Variants in PPP1R42 observed in about 807,000 individuals in gnomAD.
The protein encoded by PPP1R42 is protein phosphatase 1 regulatory subunit 42, also known as leucine rich repeat containing 67.
In PPP1R42, 34 loss-of-function variants were observed where a neutral mutation model predicts 31.0. The ratio of observed to expected loss-of-function variants is 1.10; its 90% CI spans 0.83 to 1.46. The LOEUF (loss-of-function observed/expected upper bound fraction) is 1.46. Among genes scored for constraint, PPP1R42 ranks in the 40% most tolerant of loss-of-function variants. The pLI is 0.00. For synonymous variants in PPP1R42, 103 were observed against 109.8 expected, an observed-to-expected ratio of 0.94 and a Z score of 0.39; for missense variants, 268 against 303.0, an observed-to-expected ratio of 0.88 and a Z score of 0.86.
At chr8:67,019,237 C>CTTTTTTTTTT (rs1186280936) in intron 1 of PPP1R42, among the ~76,000 whole-genome samples, 1 of 91,684 alleles carries the variant, frequency 1.1e-5, no homozygotes, top group African/African-American at 5.0e-5. Context: ...TTATGAGCAT[C>CTTTTTTTTTT]TTTTTTTTTT....
At chr8:66,972,003 A>G (rs1326381528) in intron 7 of PPP1R42, among the ~76,000 whole-genome samples, 2 of 152,196 alleles carry the variant, frequency 1.3e-5, no homozygotes, top group African/African-American at 4.8e-5. Context: ...GTTCATCTTA[A>G]CTCTTCTAAA....
chr8:67,018,825 CTTT>C (rs1554542360), intron 1 of PPP1R42, among the ~76,000 whole-genome samples: 1 of 48,390 alleles, frequency 2.1e-5, no homozygotes, highest in African/African-American at 8.5e-5. Context: ...CCCCCCCCCC[CTTT>C]TTTTTTTTTT....
chr8:66,972,454 A>G (rs1443682867), intron 7 of PPP1R42, among the ~76,000 whole-genome samples: 1 of 152,092 alleles, frequency 6.6e-6, no homozygotes, highest in Non-Finnish European at 1.5e-5. Flanking sequence ...CAGTGGCACA[A>G]TCTCGGCTCA....
chr8:67,000,338 G>A (rs1815447329), intron 5 of PPP1R42, among the ~76,000 whole-genome samples: 1 of 151,618 alleles, frequency 6.6e-6, no homozygotes, highest in South Asian at 2.1e-4. Flanking sequence ...TTCCCTCTAA[G>A]CATTACTTTA....
chr8:66,967,751 A>G (rs1814425847), intron 7 of PPP1R42, among the ~76,000 whole-genome samples: 1 of 152,334 alleles, frequency 6.6e-6, no homozygotes, highest in Middle Eastern at 3.4e-3. Flanking sequence ...CCTTAAAGGT[A>G]TCTGAAATTA....
intron 6 of PPP1R42, among the ~76,000 whole-genome samples, chr8:66,987,813 C>T (rs1815069185): frequency 6.6e-6 from 1 of 152,122 alleles, no homozygotes; most frequent in South Asian, 2.1e-4. Flanking sequence ...CTCCCATAGC[C>T]TTCGTGAGAG....
chr8:66,966,026 C>G (rs932705983), intron 7 of PPP1R42, among the ~76,000 whole-genome samples: 2 of 152,208 alleles, frequency 1.3e-5, no homozygotes, highest in Admixed American at 1.3e-4. Flanking sequence ...CCAGTTGCTC[C>G]CTATCCTAGC....
intron 5 of PPP1R42, among the ~76,000 whole-genome samples, chr8:66,996,880 G>A (rs1041134574): frequency 6.6e-6 from 1 of 152,114 alleles, no homozygotes; most frequent in South Asian, 2.1e-4. Flanking sequence ...GGCTGGGCAC[G>A]GTGGCTCACA....
chr8:67,018,067 T>A (rs1307937269), intron 1 of PPP1R42, among the ~76,000 whole-genome samples: 1 of 152,122 alleles, frequency 6.6e-6, no homozygotes, highest in African/African-American at 2.4e-5. Flanking sequence ...CTTTTAAATC[T>A]TTTTTTCTTC....
chr8:66,996,013 G>A (rs950946675), intron 5 of PPP1R42, among the ~76,000 whole-genome samples: 2 of 152,102 alleles, frequency 1.3e-5, no homozygotes, highest in African/African-American at 4.8e-5. Flanking sequence ...TGTCAGTAGA[G>A]TTATACTAAC....
chr8:66,984,877 C>T (rs2130927357), intron 6 of PPP1R42: 2 of 1,577,554 alleles, frequency 1.3e-6, no homozygotes, highest in Non-Finnish European at 1.7e-6. Flanking sequence ...CCTTGTCTGT[C>T]TCTGAAGTTT....
intron 4 of PPP1R42, 108 bp downstream of exon 4, chr8:67,012,850 A>C: frequency 1.9e-6 from 2 of 1,037,172 alleles, no homozygotes. Flanking sequence ...TGGCCATATA[A>C]ACATGAAGAG....
intron 5 of PPP1R42, among the ~76,000 whole-genome samples, chr8:67,000,070 C>T (rs1815438968): frequency 6.6e-6 from 1 of 151,830 alleles, no homozygotes. Flanking sequence ...CTAATGGTTG[C>T]CTGTATTTCT....
At chr8:66,999,543 C>T (rs2130945606) in intron 5 of PPP1R42, among the ~76,000 whole-genome samples, 2 of 152,176 alleles carry the variant, frequency 1.3e-5, no homozygotes, top group Middle Eastern at 6.8e-3. Flanking sequence ...GAGATGGGGT[C>T]TCCCCACATT....
At chr8:66,982,965 T>C (rs1299092551) in intron 6 of PPP1R42, among the ~76,000 whole-genome samples, 2 of 151,480 alleles carry the variant, frequency 1.3e-5, no homozygotes, top group Admixed American at 6.6e-5. Context: ...TTTTTTTTTT[T>C]AGAGATGGGA....
chr8:67,022,003 T>C (rs563351661), intron 1 of PPP1R42, among the ~76,000 whole-genome samples: 6 of 152,290 alleles, frequency 3.9e-5, no homozygotes, highest in South Asian at 4.1e-4. Context: ...ATTTTGTATA[T>C]ATCATTTAGC....
intron 2 of PPP1R42, among the ~76,000 whole-genome samples, chr8:67,017,395 G>A (rs1816046469): frequency 6.6e-6 from 1 of 152,124 alleles, no homozygotes; most frequent in South Asian, 2.1e-4. Context: ...TCGGTAGGCT[G>A]AGGTACAAGA....
At chr8:66,985,793 T>G (rs1433024649) in intron 6 of PPP1R42, 6 of 1,221,714 alleles carry the variant, frequency 4.9e-6, no homozygotes, top group Non-Finnish European at 7.2e-6. Context: ...GCTGCGTCCA[T>G]CATCTGTTTG....
chr8:66,972,285 A>G (rs575598233), intron 7 of PPP1R42, among the ~76,000 whole-genome samples: 29 of 152,334 alleles, frequency 1.9e-4, no homozygotes, highest in African/African-American at 7.0e-4. Flanking sequence ...GGGAGGACCT[A>G]CAAATGGCCA....
Sources: allele counts gnomAD v4.1 joint callset (sites outside exome capture counted in the v4.1 genomes callset), GRCh38; gene constraint gnomAD v4.1.1; transcripts MANE v1.5; gene names NCBI Gene and HGNC (gene_info 2026-07-23, HGNC 2026-07-21).